PCDHGA6: variants seen among roughly 807,000 people sequenced by gnomAD.
PCDHGA6 encodes the protein protocadherin gamma subfamily A, 6, also known as protocadherin gamma-A6.
Under a neutral mutation model 60.6 loss-of-function variants are expected in PCDHGA6, and 41 were observed. The ratio of observed to expected loss-of-function variants is 0.68; its 90% confidence interval spans 0.53 to 0.88. The LOEUF (loss-of-function observed/expected upper bound fraction) is 0.88. Ranked by LOEUF, PCDHGA6 falls within the 40% of genes least tolerant of loss-of-function variation. The pLI is 0.00. For missense variants in PCDHGA6, 1,312 were observed against 1,203.0 expected, an observed-to-expected ratio of 1.09 and a Z score of -1.34; for synonymous variants, 594 against 524.4, an observed-to-expected ratio of 1.13 and a Z score of -1.81.
Position 141,477,197 on chromosome 5 carries a change from G to C in PCDHGA6, c.2425-17610G>C, listed in dbSNP as rs781504885. 6.2e-7 allele frequency: 1 copy of C among 1,614,210 alleles called. No homozygotes were observed. Among genetic ancestry groups the C allele is most frequent in the South Asian group, 1.1e-5 (1 of 91,082 alleles). On this transcript the variant is annotated intron_variant, in intron 1 of 3. Transcript: ENST00000517434. The surrounding 1 kb of genome is among the most constrained non-coding windows in gnomAD (Gnocchi z 4.9). ...CACAGTCACCTCCGTGTACAGCCCA[G>C]TACCCGAGGATGCCCCTCTGGGGAC...
intron 1 of PCDHGA6, among the ~76,000 whole-genome samples, chr5:141,444,714 CTTGGTGCCT>C (rs2098445168): frequency 6.6e-6 from 1 of 152,122 alleles, no homozygotes; most frequent in Non-Finnish European, 1.5e-5. Context: ...GTTGAATTTG[CTTGGTGCCT>C]TTGTTGAAAG....
Position 141,491,757 on chromosome 5 carries a change from C to G in PCDHGA6, c.2425-3050C>G. ...CTGGGGGCGGCACTGGAGAAGCCGC[C>G]CGTCCTCATAAGGGATTGAACTTGC... On this transcript the variant is annotated intron_variant, in intron 1 of 3. Coordinates refer to ENST00000517434, the MANE Select transcript of PCDHGA6 (RefSeq NM_018919.3). This position sits in a 1 kb window ranked among gnomAD's most constrained non-coding sequence, Gnocchi z 6.9. 1 of 1,580,374 alleles carries G rather than the reference C, an allele frequency of 6.3e-7. No individual in the cohort carries two copies. The highest frequency in any genetic ancestry group is 1.9e-5 in the Admixed American group (1 of 53,534).
intron 1 of PCDHGA6, chr5:141,389,622 G>A: frequency 6.2e-7 from 1 of 1,612,970 alleles, no homozygotes; most frequent in Non-Finnish European, 8.5e-7. Flanking sequence ...GCCGCACGCT[G>A]CAGAGCCTGG....
In PCDHGA6 at chr5:141,404,750, C is replaced by G. The variant is rs1321458841; in HGVS notation, c.2424+28243C>G. The stretch of plus-strand genomic sequence containing the variant: ...GGTGGCAGTGGACAGAGACTCAGGC[C>G]AGAATGCTTGGCTCTCCTACCGCCT... On this transcript the variant is annotated intron_variant, in intron 1 of 3. Coordinates refer to ENST00000517434, the MANE Select transcript of PCDHGA6 (RefSeq NM_018919.3). 10 of 1,613,702 alleles carry G rather than the reference C, an allele frequency of 6.2e-6. No homozygotes were observed. In the African/African-American group the frequency reaches 1.3e-4, roughly 22 times the overall value.
chr5:141,423,141 G>C, intron 1 of PCDHGA6: 1 of 1,613,580 alleles, frequency 6.2e-7, no homozygotes, highest in Non-Finnish European at 8.5e-7. Flanking sequence ...ACAGAGACGC[G>C]CTCAAGCAGA....
chr5:141,502,087 C>T (rs1289663374), intron 2 of PCDHGA6, among the ~76,000 whole-genome samples: 1 of 152,180 alleles, frequency 6.6e-6, no homozygotes, highest in Admixed American at 6.5e-5. Context: ...GGGCTGAGAA[C>T]ACCTGGCCTT....
chr5:141,489,166 C>A lies in PCDHGA6; in HGVS notation c.2425-5641C>A. The A allele has an allele frequency of 9.1e-7, 1 of 1,099,536 alleles. No individual in the cohort carries two copies. The highest frequency in any genetic ancestry group is 1.3e-6 in the Non-Finnish European group (1 of 761,554). The allele number at this position is 1,099,536 out of a possible 1,614,324, so 68.1% of individuals were successfully genotyped here. ...AAGGAGACATAAGAGACTTCAGCTGCTGCATTCCAAGCCCTGGGTCTACCT... is the reference window on the plus strand; with the variant it reads ...AAGGAGACATAAGAGACTTCAGCTGATGCATTCCAAGCCCTGGGTCTACCT... On this transcript the variant is annotated intron_variant, in intron 1 of 3. Transcript: ENST00000517434. This position sits in a 1 kb window ranked among gnomAD's most constrained non-coding sequence, Gnocchi z 4.5.
chr5:141,454,142 C>T (rs2098782408), intron 1 of PCDHGA6, among the ~76,000 whole-genome samples: 1 of 152,222 alleles, frequency 6.6e-6, no homozygotes, highest in Non-Finnish European at 1.5e-5. Context: ...GGAATGTTCA[C>T]ACTGCTACTT....
chr5:141,482,530 CAAAAA>C (rs3074545), intron 1 of PCDHGA6, among the ~76,000 whole-genome samples: 1 of 76,558 alleles, frequency 1.3e-5, no homozygotes, highest in African/African-American at 4.8e-5. Context: ...GACAGACATG[CAAAAA>C]AAAAAAAAAA....
At chr5:141,381,782 A>G (rs940671211) in intron 1 of PCDHGA6, among the ~76,000 whole-genome samples, 1 of 150,898 alleles carries the variant, frequency 6.6e-6, no homozygotes, top group African/African-American at 2.5e-5. Context: ...AATCAGGAAC[A>G]AGGCAAGGCA....
chr5:141,395,107 A>G (rs2093174446), intron 1 of PCDHGA6: 1 of 1,614,212 alleles, frequency 6.2e-7, no homozygotes, highest in African/African-American at 1.3e-5. Context: ...GACTCGCGGA[A>G]GAGTCACCTG....
intron 1 of PCDHGA6, chr5:141,400,133 C>G: frequency 3.7e-6 from 6 of 1,614,066 alleles, no homozygotes; most frequent in Non-Finnish European, 5.1e-6. Flanking sequence ...GAGGTGCTGC[C>G]GGATATCACT....
At chr5:141,478,940 T>C in intron 1 of PCDHGA6, 2 of 584,636 alleles carry the variant, frequency 3.4e-6, no homozygotes, top group South Asian at 2.7e-5. Flanking sequence ...CTTCTAGGAA[T>C]ACAAAAACTA....
intron 1 of PCDHGA6, chr5:141,420,214 C>T: frequency 6.2e-7 from 1 of 1,611,064 alleles, no homozygotes; most frequent in Non-Finnish European, 8.5e-7. Context: ...ACAAAGATAG[C>T]ATGCTACTGG....
Position 141,374,130 on chromosome 5 carries a change from T to TCG in PCDHGA6, c.48_49insGC (p.Leu17AlafsTer30), listed in dbSNP as rs767453830. ...CCGCAGCGCAGCGAGCAGGTCCTGC[T>TCG]CCTCACGCTCCTGGGGACGCTGTGG... On this transcript the variant is annotated frameshift_variant, in exon 1 of 4. Coordinates refer to ENST00000517434, the MANE Select transcript of PCDHGA6 (RefSeq NM_018919.3). LOFTEE classifies it high-confidence loss of function. 1.9e-6 allele frequency: 3 copies of TCG among 1,604,204 alleles called. No individual in the cohort carries two copies. The highest frequency in any genetic ancestry group is 2.6e-6 in the Non-Finnish European group (3 of 1,173,820).
At chr5:141,409,920 C>G in intron 1 of PCDHGA6, 1 of 1,613,400 alleles carries the variant, frequency 6.2e-7, no homozygotes, top group Non-Finnish European at 8.5e-7. Flanking sequence ...GACGGCTCCG[C>G]GTTCTTCGAT....
chr5:141,406,555 A>G (rs2094824314), intron 1 of PCDHGA6, among the ~76,000 whole-genome samples: 1 of 152,224 alleles, frequency 6.6e-6, no homozygotes. Context: ...TCAGTTATCC[A>G]CTTCCAAACC....
chr5:141,508,062 C>T (rs910730855), intron 3 of PCDHGA6: 2 of 152,316 alleles, frequency 1.3e-5, no homozygotes, highest in African/African-American at 4.8e-5. Flanking sequence ...TAATCAGCCT[C>T]CTTGGGCTAC....
intron 1 of PCDHGA6, among the ~76,000 whole-genome samples, chr5:141,466,757 T>G (rs1486124876): frequency 6.6e-6 from 1 of 152,224 alleles, no homozygotes; most frequent in Non-Finnish European, 1.5e-5. Context: ...AGGGGCTCTT[T>G]TCAAACTGTT....
Sources: gnomAD v4.1 joint callset for allele counts (sites outside exome capture counted in the v4.1 genomes callset) on GRCh38, gnomAD v4.1.1 for gene constraint, Gnocchi (gnomAD v3.1) non-coding constraint, MANE v1.5 for transcripts, NCBI Gene and HGNC (gene_info 2026-07-23, HGNC 2026-07-21) for gene names.